Variants in CACNA1E observed in about 807,000 individuals in gnomAD.
The protein encoded by CACNA1E is calcium voltage-gated channel subunit alpha1 E.
In CACNA1E, 40 loss-of-function variants were observed where a neutral mutation model predicts 259.2. That is an observed-to-expected ratio of 0.15 (90% CI 0.12 to 0.20). CACNA1E has a LOEUF of 0.20. Ranked by LOEUF, CACNA1E falls within the 10% of genes least tolerant of loss-of-function variation. The pLI, the probability that CACNA1E is intolerant of heterozygous loss-of-function variation, is 1.00. For synonymous variants in CACNA1E, 1,104 were observed against 1,138.5 expected, an observed-to-expected ratio of 0.97 and a Z score of 0.61; for missense variants, 1,874 against 3,040.1, an observed-to-expected ratio of 0.62 and a Z score of 9.02.
chr1:181,672,604 C>T (rs972120651), intron 7 of CACNA1E, among the ~76,000 whole-genome samples: 1 of 152,212 alleles, frequency 6.6e-6, no homozygotes, highest in African/African-American at 2.4e-5. Context: ...AGTTGTATCC[C>T]AGACTGTCTG....
At chr1:181,775,312 G>T (rs1465872574) in intron 37 of CACNA1E, among the ~76,000 whole-genome samples, 4 of 152,124 alleles carry the variant, frequency 2.6e-5, no homozygotes, top group Non-Finnish European at 5.9e-5. Flanking sequence ...GGGTGAGCAG[G>T]GCAGCCAGGA....
intron 1 of CACNA1E, among the ~76,000 whole-genome samples, chr1:181,497,528 T>C (rs1220622119): frequency 6.6e-6 from 1 of 152,226 alleles, no homozygotes; most frequent in African/African-American, 2.4e-5. Context: ...AACTAACCTT[T>C]AATGAATGCC....
At position 181,361,635 on chromosome 1, in the gene CACNA1E, G is replaced by C. The variant is rs148883174; in HGVS notation, c.-15+43512G>C. 3.2e-3 allele frequency among the ~76,000 whole-genome samples: 486 copies of C among 152,296 alleles called. 2 individuals carry two copies. The highest frequency in any genetic ancestry group is 0.011 in the African/African-American group (458 of 41,566). ...TATTCTCTTCCCACCTCTCCTGCAA[G>C]CCTTTCTTCCTCAACCTGTTCCCCT... On this transcript the variant is annotated intron_variant, in intron 1 of 11. Coordinates refer to the CACNA1E transcript ENST00000524607.
chr1:181,637,565 CT>C (rs1379825232), intron 6 of CACNA1E, among the ~76,000 whole-genome samples: 2 of 151,908 alleles, frequency 1.3e-5, no homozygotes, highest in Non-Finnish European at 2.9e-5. Context: ...ATACATTCCG[CT>C]TATTCACTTA....
At chr1:181,433,380 G>C (rs1013355703) in intron 2 of CACNA1E, among the ~76,000 whole-genome samples, 1 of 152,112 alleles carries the variant, frequency 6.6e-6, no homozygotes, top group African/African-American at 2.4e-5. Context: ...ATCTCTGCCT[G>C]GTCCCTGAGG....
chr1:181,620,399 CCA>C (rs1427771094), intron 6 of CACNA1E, among the ~76,000 whole-genome samples: 2 of 152,324 alleles, frequency 1.3e-5, no homozygotes, highest in East Asian at 1.9e-4. Context: ...CACTCCTCAT[CCA>C]CATGTTGAGA....
At chr1:181,397,380 AACCTCCACCT>A (rs1353201031) in intron 1 of CACNA1E, among the ~76,000 whole-genome samples, 3 of 152,170 alleles carry the variant, frequency 2.0e-5, no homozygotes, top group Non-Finnish European at 2.9e-5. Flanking sequence ...AGCTCACTGC[AACCTCCACCT>A]ACCGGGTTCA....
At chr1:181,457,297 C>T (rs900767848) in intron 2 of CACNA1E, among the ~76,000 whole-genome samples, 5 of 152,220 alleles carry the variant, frequency 3.3e-5, no homozygotes, top group African/African-American at 1.2e-4. Flanking sequence ...TCCCAAAGGC[C>T]CCACCTCCTA....
chr1:181,650,208 GA>G, intron 6 of CACNA1E, among the ~76,000 whole-genome samples: 1 of 151,874 alleles, frequency 6.6e-6, no homozygotes. Flanking sequence ...TTAGTAGTGA[GA>G]GGGGGAAAAG....
intron 1 of CACNA1E, among the ~76,000 whole-genome samples, chr1:181,402,108 C>T (rs1379421596): frequency 6.6e-6 from 1 of 152,164 alleles, no homozygotes; most frequent in Non-Finnish European, 1.5e-5. Context: ...GCTAACACAA[C>T]TAAAGGTATA....
At chr1:181,698,261 A>C (rs1651902547) in intron 7 of CACNA1E, among the ~76,000 whole-genome samples, 1 of 152,150 alleles carries the variant, frequency 6.6e-6, no homozygotes, top group African/African-American at 2.4e-5. Context: ...GTCTGATTTG[A>C]GTTAATATTT....
intron 6 of CACNA1E, among the ~76,000 whole-genome samples, chr1:181,593,144 T>C (rs1327385934): frequency 6.6e-6 from 1 of 152,232 alleles, no homozygotes; most frequent in Non-Finnish European, 1.5e-5. Flanking sequence ...GAAAGTGCTT[T>C]GAAAAAGACG....
intron 16 of CACNA1E, among the ~76,000 whole-genome samples, chr1:181,723,213 A>G (rs61502880): frequency 6.6e-6 from 1 of 152,134 alleles, no homozygotes; most frequent in East Asian, 1.9e-4. Flanking sequence ...CTGGAATCTC[A>G]TTCTTTTTGT....
intron 1 of CACNA1E, among the ~76,000 whole-genome samples, chr1:181,395,868 G>A (rs1557968988): frequency 6.6e-6 from 1 of 152,242 alleles, no homozygotes; most frequent in Non-Finnish European, 1.5e-5. Flanking sequence ...GATGAGTCAA[G>A]TGTATTTGCT....
At chr1:181,788,511 A>G (rs1281600860) in intron 43 of CACNA1E, among the ~76,000 whole-genome samples, 1 of 152,230 alleles carries the variant, frequency 6.6e-6, no homozygotes, top group Admixed American at 6.5e-5. Context: ...AAGAGTTTAC[A>G]GAGTGGTAGG....
intron 1 of CACNA1E, among the ~76,000 whole-genome samples, chr1:181,336,896 A>G (rs569141216): frequency 2.7e-5 from 4 of 149,494 alleles, no homozygotes; most frequent in Admixed American, 1.3e-4. Context: ...TGATTTTGGA[A>G]TTTAGTTGTC....
At chr1:181,503,527 A>G (rs189627673) in intron 1 of CACNA1E, among the ~76,000 whole-genome samples, 1 of 152,174 alleles carries the variant, frequency 6.6e-6, no homozygotes, top group East Asian at 1.9e-4. Context: ...TTTCTTTTAA[A>G]TCCTTTATTG....
intron 1 of CACNA1E, among the ~76,000 whole-genome samples, chr1:181,334,162 C>T (rs1651503516): frequency 6.6e-6 from 1 of 152,078 alleles, no homozygotes; most frequent in African/African-American, 2.4e-5. Flanking sequence ...AGATACTTGA[C>T]CTAATGAGTC....
chr1:181,672,089 A>G (rs978988058), intron 7 of CACNA1E, among the ~76,000 whole-genome samples: 1 of 152,244 alleles, frequency 6.6e-6, no homozygotes, highest in Non-Finnish European at 1.5e-5. Flanking sequence ...TTACAATAAC[A>G]TGGATGAAGC....
Sources: allele counts gnomAD v4.1 joint callset (sites outside exome capture counted in the v4.1 genomes callset), GRCh38; gene constraint gnomAD v4.1.1; transcripts MANE v1.5; gene names NCBI Gene and HGNC (gene_info 2026-07-23, HGNC 2026-07-21).